Variants in EIPR1 observed in about 807,000 individuals in gnomAD.
EIPR1 encodes EARP and GARP complex-interacting protein 1.
In EIPR1, 25 loss-of-function variants were observed where a neutral mutation model predicts 48.1. The observed-to-expected ratio is 0.52, with a 90% CI of 0.38 to 0.73. EIPR1 has a LOEUF of 0.73. EIPR1 is among the 30% of genes least tolerant of loss of function. The pLI is 0.00. For missense variants in EIPR1, 415 were observed against 506.2 expected (o/e 0.82, Z 1.73); for synonymous variants, 204 against 201.9 (o/e 1.01, Z -0.09).
chr2:3,310,448 C>G (rs13397023), intron 3 of EIPR1, among the ~76,000 whole-genome samples: 1 of 141,244 alleles, frequency 7.1e-6, no homozygotes, highest in African/African-American at 2.8e-5. Flanking sequence ...GGTCAGGAGA[C>G]TGAGACCATC....
intron 6 of EIPR1, among the ~76,000 whole-genome samples, chr2:3,195,056 C>T (rs752355036): frequency 2.0e-5 from 3 of 152,370 alleles, no homozygotes; most frequent in East Asian, 1.9e-4. Flanking sequence ...CACGCACACA[C>T]GCACTCACAC....
At chr2:3,351,813 C>T (rs1192646860) in intron 2 of EIPR1, among the ~76,000 whole-genome samples, 1 of 152,210 alleles carries the variant, frequency 6.6e-6, no homozygotes. Flanking sequence ...TTTGCTTTCT[C>T]AGGTTTCAGT....
intron 5 of EIPR1, among the ~76,000 whole-genome samples, chr2:3,210,581 G>C (rs1665411648): frequency 6.6e-6 from 1 of 151,068 alleles, no homozygotes; most frequent in African/African-American, 2.4e-5. Context: ...CGGTGCTGCT[G>C]TCCCATTCTC....
intron 2 of EIPR1, among the ~76,000 whole-genome samples, chr2:3,351,883 C>T (rs1055576252): frequency 2.6e-5 from 4 of 152,204 alleles, no homozygotes; most frequent in African/African-American, 7.2e-5. Flanking sequence ...ATAAGCAATT[C>T]ATAAGTCTAA....
In EIPR1 at chr2:3,258,654, C is replaced by T. The variant is rs554700528; in HGVS notation, c.260-1199G>A. ...ACTAATCGACCAAGCAATATAGCAA[C>T]GAACTCAATGACAAAATATCTAACT... On this transcript the variant is annotated intron_variant, in intron 3 of 8. Transcript: ENST00000382125. Among the ~76,000 whole-genome samples, 108 of 152,256 alleles carry T rather than the reference C, an allele frequency of 7.1e-4. No individual in the cohort carries two copies. In the Middle Eastern group the frequency reaches 0.01, roughly 14 times the overall value.
chr2:3,370,887 A>C (rs1412904822), intron 1 of EIPR1, among the ~76,000 whole-genome samples: 1 of 152,096 alleles, frequency 6.6e-6, no homozygotes, highest in Non-Finnish European at 1.5e-5. Context: ...AATACAGAGA[A>C]TGCCACAAAG....
intron 5 of EIPR1, among the ~76,000 whole-genome samples, chr2:3,198,100 C>T (rs1664873828): frequency 6.6e-6 from 1 of 152,202 alleles, no homozygotes; most frequent in Non-Finnish European, 1.5e-5. Context: ...CATAGACAGG[C>T]AGGGGCTCTG....
intron 4 of EIPR1, among the ~76,000 whole-genome samples, chr2:3,232,173 CTT>C (rs1011503766): frequency 1.8e-4 from 27 of 152,188 alleles, no homozygotes; most frequent in African/African-American, 6.5e-4. Flanking sequence ...TATATTGTCT[CTT>C]ATTTCTGATT....
At chr2:3,243,140 G>C (rs1176418677) in intron 4 of EIPR1, among the ~76,000 whole-genome samples, 1 of 152,206 alleles carries the variant, frequency 6.6e-6, no homozygotes, top group East Asian at 1.9e-4. Context: ...CAAACATATA[G>C]CTCCATCAAC....
chr2:3,238,867 C>T (rs760076603), intron 4 of EIPR1, among the ~76,000 whole-genome samples: 41 of 152,184 alleles, frequency 2.7e-4, no homozygotes, highest in Non-Finnish European at 4.4e-4. Flanking sequence ...TTACATTCAC[C>T]GTGCCACTCA....
At chr2:3,235,581 G>A (rs549383259) in intron 4 of EIPR1, among the ~76,000 whole-genome samples, 6 of 152,320 alleles carry the variant, frequency 3.9e-5, no homozygotes, top group Non-Finnish European at 5.9e-5. Flanking sequence ...CCCGACAAGC[G>A]TGGAAACCTT....
intron 6 of EIPR1, 30 bp downstream of exon 6, chr2:3,196,851 G>A (rs1481752049): frequency 6.2e-7 from 1 of 1,610,444 alleles, no homozygotes; most frequent in Admixed American, 1.7e-5. Flanking sequence ...AGGAAAGGAA[G>A]TGGGGCCTGC....
At chr2:3,257,053 G>A (rs764743506) in intron 4 of EIPR1, among the ~76,000 whole-genome samples, 4 of 152,204 alleles carry the variant, frequency 2.6e-5, no homozygotes, top group Non-Finnish European at 4.4e-5. Context: ...AGGTCCCCAC[G>A]GGCAACACTC....
At chr2:3,211,390 G>A (rs1665451353) in intron 5 of EIPR1, among the ~76,000 whole-genome samples, 1 of 152,216 alleles carries the variant, frequency 6.6e-6, no homozygotes, top group South Asian at 2.1e-4. Flanking sequence ...CCCACCGACC[G>A]CCCACAAAGT....
intron 3 of EIPR1, among the ~76,000 whole-genome samples, chr2:3,294,903 T>TCC (rs1174293099): frequency 5.9e-5 from 5 of 84,214 alleles, no homozygotes; most frequent in East Asian, 4.3e-4. Flanking sequence ...ATCCAGCCCA[T>TCC]TCTCTCCCTG....
At chr2:3,276,898 T>C (rs1271985132) in intron 3 of EIPR1, among the ~76,000 whole-genome samples, 1 of 152,236 alleles carries the variant, frequency 6.6e-6, no homozygotes, top group Non-Finnish European at 1.5e-5. Flanking sequence ...CAATGATAGA[T>C]TAATTTACTG....
chr2:3,192,296 G>A (rs1303141430), intron 8 of EIPR1, 118 bp downstream of exon 8: 3 of 1,231,240 alleles, frequency 2.4e-6, no homozygotes, highest in Non-Finnish European at 1.1e-6. Context: ...TGGGTAAGGA[G>A]AGTGTCCCCC....
chr2:3,197,444 G>A (rs1458114489), intron 5 of EIPR1, among the ~76,000 whole-genome samples: 3 of 152,298 alleles, frequency 2.0e-5, no homozygotes, highest in East Asian at 1.9e-4. Context: ...TCCAGTGCAC[G>A]CCCTCTTCCC....
chr2:3,362,603 T>A (rs551297679), intron 1 of EIPR1, among the ~76,000 whole-genome samples: 4 of 144,532 alleles, frequency 2.8e-5, no homozygotes, highest in Admixed American at 7.1e-5. Flanking sequence ...AAGAAGGAGA[T>A]CACCCCACTG....
Sources: gnomAD v4.1 joint callset for allele counts (sites outside exome capture counted in the v4.1 genomes callset) on GRCh38, gnomAD v4.1.1 for gene constraint, MANE v1.5 for transcripts, NCBI Gene and HGNC (gene_info 2026-07-23, HGNC 2026-07-21) for gene names.